The following TARS1 variants were observed in gnomAD, a reference collection of about 807,000 sequenced individuals.
TARS1 encodes threonine--tRNA ligase 1, cytoplasmic.
In TARS1, 57 loss-of-function variants were observed where a neutral mutation model predicts 97.7. The observed-to-expected ratio is 0.58, with a 90% CI of 0.47 to 0.73. TARS1 has a LOEUF of 0.73. TARS1 is among the 30% of genes least tolerant of loss of function. The pLI is 0.00. For missense variants in TARS1, 806 were observed against 888.3 expected (o/e 0.91, Z 1.18); for synonymous variants, 312 against 293.7 (o/e 1.06, Z -0.64).
At chr5:33,452,845 C>T (rs575354362) in intron 3 of TARS1, among the ~76,000 whole-genome samples, 1 of 151,262 alleles carries the variant, frequency 6.6e-6, no homozygotes, top group South Asian at 2.1e-4. Context: ...AGAGAAAACT[C>T]GGTGTGGTGA....
intron 3 of TARS1, among the ~76,000 whole-genome samples, chr5:33,451,420 G>T (rs1741728155): frequency 6.6e-6 from 1 of 151,042 alleles, no homozygotes; most frequent in South Asian, 2.1e-4. Flanking sequence ...TGTCGCCCAG[G>T]CTGGAGTGCA....
chr5:33,456,006 A>G lies in TARS1; in HGVS notation c.698A>G (p.Asn233Ser), dbSNP rs748715234. The G allele has an allele frequency of 9.3e-6, 15 of 1,613,648 alleles. No homozygotes were observed. The East Asian group carries it at 3.1e-4, about 34-fold the overall frequency. ...AATAATTTTTCCTGTTTTCAGTACA[A>G]CAAGTTCAAATGCCGGATATTGAAT... ...KETLLAMFKY[N>S]KFKCRILNEK... Residue 233 changes from asparagine to serine, a missense_variant, in exon 7 of 19, where the codon AAC becomes AGC. By Grantham distance (46) the Asn-to-Ser change is conservative (BLOSUM62 1). Transcript: ENST00000265112.
At chr5:33,456,882 T>G (rs1277396707) in intron 8 of TARS1, among the ~76,000 whole-genome samples, 1 of 152,242 alleles carries the variant, frequency 6.6e-6, no homozygotes, top group East Asian at 1.9e-4. Context: ...ATCGTGCCAC[T>G]GCACTCCAGG....
rs1741220535 is a variant in TARS1, at chr5:33,443,320, C to CTCTCTCTCT, written c.58-2004_58-2003insTCTCTCTCT. ...TGTGGTGATTCCCTCTCTCTCTCTC[C>CTCTCTCTCT]CTCTCTCTCTCTCTCTCTCTCTCTC... On this transcript the variant is annotated intron_variant, in intron 1 of 18. Coordinates refer to ENST00000265112, the MANE Select transcript of TARS1 (RefSeq NM_152295.5). Among the ~76,000 whole-genome samples, 314 of 118,506 alleles carry CTCTCTCTCT rather than the reference C, an allele frequency of 2.6e-3. 22 individuals are homozygous for CTCTCTCTCT. Among genetic ancestry groups the CTCTCTCTCT allele is most frequent in the East Asian group, 0.011 (38 of 3,588 alleles). 77.7% of individuals were successfully genotyped at this position (118,506 alleles called of 152,430 possible). A position where few individuals can be genotyped will look rare whatever the true frequency, so the allele number is the denominator to read the frequency against.
At chr5:33,441,258 C>CG in intron 1 of TARS1, 115 bp downstream of exon 1, 1 of 1,292,862 alleles carries the variant, frequency 7.7e-7, no homozygotes, top group South Asian at 1.2e-5. Context: ...CCGCGTGGGT[C>CG]GGAGAAGTGG....
Position 33,459,703 on chromosome 5 carries a change from T to G in TARS1, c.1092T>G (p.Tyr364Ter), listed in dbSNP as rs1310993389. The G allele has an allele frequency of 5.0e-6, 8 of 1,614,084 alleles. No individual in the cohort carries two copies. Among genetic ancestry groups the G allele is most frequent in the Non-Finnish European group, 6.8e-6 (8 of 1,179,984 alleles). Residue 364 changes from tyrosine (Y) to a stop codon, truncating the protein, a stop_gained, in exon 11 of 19, where the codon TAT becomes TAG. Transcript: ENST00000265112. LOFTEE classifies it high-confidence loss of function. ...NALIEFIRSE[Y>*]RKRGFQEVVT... ...TGTTTATTTTCTATCAGAGCGAATA[T>G]AGGAAAAGAGGATTCCAGGAGGTAG...
chr5:33,467,789 A>G lies in TARS1; in HGVS notation c.*81A>G, dbSNP rs1742613138. 6.8e-7 allele frequency: 1 copy of G among 1,467,404 alleles called. No individual in the cohort carries two copies. The highest frequency in any genetic ancestry group is 1.4e-5 in the South Asian group (1 of 72,956). The allele number at this position is 1,467,404 out of a possible 1,614,324, so 90.9% of individuals were successfully genotyped here. A position where few individuals can be genotyped will look rare whatever the true frequency, so the allele number is the denominator to read the frequency against. On this transcript the variant is annotated 3_prime_UTR_variant, in exon 19 of 19. Transcript: ENST00000265112. The stretch of plus-strand genomic sequence containing the variant: ...ATTGACTTTGTACTCTGAAAACGTC[A>G]ATTTATATTGAACTTGGAGGAGTTT...
At chr5:33,464,337 G>A (rs888979769) in intron 17 of TARS1, among the ~76,000 whole-genome samples, 1 of 152,188 alleles carries the variant, frequency 6.6e-6, no homozygotes, top group African/African-American at 2.4e-5. Context: ...GACTCAGTGA[G>A]TAATTTTGCT....
rs1368180639 is a variant in TARS1 at position 33,456,191 on chromosome 5, A to G, written c.801A>G (p.Arg267=). ...LIDLCRGPHV[R]HTGKIKALKI... ...ATCTCTGCCGGGGTCCTCATGTTAG[A>G]CACACGGGCAAAATTAAGGCTTTAA... is the stretch of plus-strand genomic sequence containing the variant. The change falls in exon 8 of 19, where the codon AGA becomes AGG. Residue 267 remains arginine (R), a synonymous_variant. Coordinates refer to ENST00000265112, the MANE Select transcript of TARS1 (RefSeq NM_152295.5). 3 of 1,613,910 alleles carry G rather than the reference A, an allele frequency of 1.9e-6. No homozygotes were observed. The highest frequency in any genetic ancestry group is 2.5e-6 in the Non-Finnish European group (3 of 1,179,962).
Position 33,447,311 on chromosome 5 carries a change from A to G in TARS1, c.139-1230A>G, listed in dbSNP as rs561972615. Among the ~76,000 whole-genome samples the G allele has an allele frequency of 3.9e-5, 6 of 152,266 alleles. No individual in the cohort carries two copies. In the East Asian group the frequency reaches 1.2e-3, roughly 29 times the overall value. Reference sequence around the variant, plus strand: ...GCCCAGGTTGGAGTGCAGTGGCCCAATCTTGGCTCACTGCAACCTCCACCT... The same window carrying G: ...GCCCAGGTTGGAGTGCAGTGGCCCAGTCTTGGCTCACTGCAACCTCCACCT... On this transcript the variant is annotated intron_variant, in intron 2 of 18. Transcript: ENST00000265112.
intron 2 of TARS1, chr5:33,446,827 G>A (rs1309991684): frequency 9.6e-7 from 1 of 1,041,972 alleles, no homozygotes. Flanking sequence ...TTAGTCTGAG[G>A]GGTTCAGATT....
chr5:33,457,397 T>G lies in TARS1; in HGVS notation c.978T>G (p.Ile326Met), dbSNP rs1224134809. The G allele has an allele frequency of 6.2e-7, 1 of 1,614,010 alleles. No individual in the cohort carries two copies. The highest frequency in any genetic ancestry group is 1.7e-5 in the Admixed American group (1 of 60,020). The change falls in exon 9 of 19, where the codon ATT becomes ATG. Residue 326 changes from isoleucine to methionine, a missense_variant. By Grantham distance (10) the Ile-to-Met change is conservative. Transcript: ENST00000265112. ...EEAKNRDHRK[I>M]GRDQELYFFH... The stretch of plus-strand genomic sequence containing the variant: ...CTAAAAACCGAGATCATAGGAAAAT[T>G]GGCAGGGTATGTTCAAGAACAATGA...
intron 17 of TARS1, chr5:33,466,652 G>T: frequency 2.9e-6 from 1 of 345,014 alleles, no homozygotes; most frequent in Non-Finnish European, 5.3e-6. Context: ...TGAAAACATT[G>T]TTTACTTAAT....
intron 1 of TARS1, among the ~76,000 whole-genome samples, chr5:33,443,840 C>A (rs1204163862): frequency 6.6e-6 from 1 of 152,132 alleles, no homozygotes; most frequent in Non-Finnish European, 1.5e-5. Flanking sequence ...TACATCACTT[C>A]TGCAGTATAA....
In TARS1 at chr5:33,440,999, C is replaced by G. The variant is rs1406990203; in HGVS notation, c.-88C>G. On this transcript the variant is annotated 5_prime_UTR_variant, in exon 1 of 19. Transcript: ENST00000265112. ...AGCTGGTCCAGCCGAGGCCAAGTCC[C>G]GGGCGCTAGCCCACCTCCCACCCGC... is the stretch of plus-strand genomic sequence containing the variant. The G allele has an allele frequency of 9.0e-6, 14 of 1,558,746 alleles. No homozygotes were observed. The highest frequency in any genetic ancestry group is 1.7e-5 in the Admixed American group (1 of 58,432).
chr5:33,455,456 A>AAGATG (rs1230350021), intron 5 of TARS1, 131 bp from the exon 6 acceptor site: 3 of 559,884 alleles, frequency 5.4e-6, no homozygotes, highest in Non-Finnish European at 9.3e-6. Flanking sequence ...ATTCTAAGAT[A>AAGATG]CGATGCAATA....
At chr5:33,451,077 G>A (rs1244177330) in intron 3 of TARS1, among the ~76,000 whole-genome samples, 1 of 152,160 alleles carries the variant, frequency 6.6e-6, no homozygotes, top group Non-Finnish European at 1.5e-5. Flanking sequence ...TTGAGCCACT[G>A]CACTCCAGCC....
intron 3 of TARS1, among the ~76,000 whole-genome samples, chr5:33,449,677 G>A (rs978397316): frequency 2.0e-5 from 3 of 151,640 alleles, no homozygotes; most frequent in South Asian, 2.1e-4. Context: ...GGATGGTCTC[G>A]ATCTCCTGAC....
intron 17 of TARS1, chr5:33,466,128 T>G (rs914802005): frequency 3.3e-5 from 5 of 152,214 alleles, no homozygotes; most frequent in African/African-American, 4.8e-5. Flanking sequence ...AGCCCAATGG[T>G]ACTGTCTCTA....
Sources: gnomAD v4.1 joint callset for allele counts (sites outside exome capture counted in the v4.1 genomes callset) on GRCh38, gnomAD v4.1.1 for gene constraint, MANE v1.5 for transcripts, NCBI Gene and HGNC (gene_info 2026-07-23, HGNC 2026-07-21) for gene names.